The following SH3GL3 variants were observed in gnomAD, a reference collection of about 807,000 sequenced individuals.
SH3GL3 encodes endophilin-A3.
SH3GL3 carries 33 observed loss-of-function variants against 47.7 expected under a neutral mutation model. The ratio of observed to expected loss-of-function variants is 0.69; its 90% CI spans 0.52 to 0.92. The LOEUF (loss-of-function observed/expected upper bound fraction) is 0.92, where lower values mean the gene tolerates loss of function less well. SH3GL3 is among the 40% of genes least tolerant of loss of function. SH3GL3 has a pLI of 0.00. For synonymous variants in SH3GL3, 155 were observed against 148.8 expected (o/e 1.04, Z -0.30); for missense variants, 363 against 417.8 (o/e 0.87, Z 1.14).
At chr15:83,547,746 C>T (rs1020325145) in intron 1 of SH3GL3, among the ~76,000 whole-genome samples, 5 of 147,758 alleles carry the variant, frequency 3.4e-5, no homozygotes, top group African/African-American at 7.4e-5. Flanking sequence ...CTTTAGTGTG[C>T]ATCTCTTATT....
intron 4 of SH3GL3, among the ~76,000 whole-genome samples, chr15:83,570,413 TA>T (rs1345309248): frequency 1.3e-5 from 2 of 152,208 alleles, no homozygotes; most frequent in African/African-American, 4.8e-5. Context: ...AAACATACTT[TA>T]ATATATTATT....
intron 1 of SH3GL3, among the ~76,000 whole-genome samples, chr15:83,529,466 C>T (rs960930854): frequency 1.3e-5 from 2 of 151,904 alleles, no homozygotes; most frequent in Admixed American, 6.6e-5. Context: ...GCTGGGTGGC[C>T]CCTCCTCAGG....
chr15:83,460,526 A>G (rs1051054950), intron 1 of SH3GL3, among the ~76,000 whole-genome samples: 1 of 152,120 alleles, frequency 6.6e-6, no homozygotes, highest in African/African-American at 2.4e-5. Context: ...ATACCGTAGG[A>G]GGTTTTTCTT....
chr15:83,565,276 A>G, intron 3 of SH3GL3, 70 bp downstream of exon 3: 2 of 881,202 alleles, frequency 2.3e-6, no homozygotes, highest in South Asian at 1.4e-5. Context: ...CTTGGTGTTT[A>G]GTTGACATAA....
In SH3GL3 at chr15:83,576,684, A is replaced by G. The variant is rs2151781719; in HGVS notation, c.567A>G (p.Lys189=). 6.2e-7 allele frequency: 1 copy of G among 1,613,894 alleles called. No homozygotes were observed. The highest frequency in any genetic ancestry group is 8.5e-7 in the Non-Finnish European group (1 of 1,179,830). The change falls in exon 6 of 9, where the codon AAA becomes AAG. Residue 189 remains lysine (K), a synonymous_variant. Transcript: ENST00000427482. ...PDEEVRQAVE[K]FEESKELAER... ...AAGAAGTCAGACAAGCGGTAGAAAA[A>G]TTTGAAGAGTCAAAGGAGTTGGCTG...
At chr15:83,567,732 G>T (rs903728694) in intron 3 of SH3GL3, among the ~76,000 whole-genome samples, 1 of 152,064 alleles carries the variant, frequency 6.6e-6, no homozygotes, top group African/African-American at 2.4e-5. Flanking sequence ...GCGCGCATGT[G>T]GTGTGTGTTA....
chr15:83,470,217 G>A (rs1040034664), intron 1 of SH3GL3, among the ~76,000 whole-genome samples: 1 of 151,880 alleles, frequency 6.6e-6, no homozygotes, highest in Non-Finnish European at 1.5e-5. Context: ...TGCTATATTT[G>A]AAGTTTTTTG....
chr15:83,490,795 A>T (rs576172222), intron 1 of SH3GL3: 2 of 1,613,926 alleles, frequency 1.2e-6, no homozygotes, highest in African/African-American at 2.7e-5. Context: ...GAGCAGTGTC[A>T]TAAACATTGA....
At chr15:83,587,956 A>G (rs527680844) in intron 7 of SH3GL3, among the ~76,000 whole-genome samples, 2 of 152,290 alleles carry the variant, frequency 1.3e-5, no homozygotes, top group Admixed American at 1.3e-4. Context: ...CTGCAGGCAG[A>G]TAGTTTACCT....
intron 1 of SH3GL3, among the ~76,000 whole-genome samples, chr15:83,501,533 G>A (rs1351200518): frequency 2.0e-5 from 3 of 152,160 alleles, no homozygotes; most frequent in African/African-American, 4.8e-5. Context: ...ATTCAATTTC[G>A]TGTTTGGGTG....
intron 1 of SH3GL3, among the ~76,000 whole-genome samples, chr15:83,530,577 A>C: frequency 6.7e-6 from 1 of 149,082 alleles, no homozygotes; most frequent in Non-Finnish European, 1.5e-5. Flanking sequence ...ACCTCTAGTC[A>C]GTCATTTTGA....
chr15:83,472,360 G>A (rs1248571731), intron 1 of SH3GL3, among the ~76,000 whole-genome samples: 1 of 151,972 alleles, frequency 6.6e-6, no homozygotes, highest in Non-Finnish European at 1.5e-5. Flanking sequence ...CTTTGTTATG[G>A]TCCCTCATGT....
At chr15:83,527,709 A>G (rs1418869440) in intron 1 of SH3GL3, among the ~76,000 whole-genome samples, 4 of 152,124 alleles carry the variant, frequency 2.6e-5, no homozygotes, top group East Asian at 1.9e-4. Flanking sequence ...GTTTACTTTC[A>G]AGGTTATTAT....
intron 8 of SH3GL3, among the ~76,000 whole-genome samples, chr15:83,594,697 T>C (rs2060194746): frequency 6.6e-6 from 1 of 152,180 alleles, no homozygotes; most frequent in Admixed American, 6.5e-5. Context: ...TTGTAGAATG[T>C]CCCCCAGTTG....
chr15:83,627,573 TCCC>T, the SH3GL3 span, among the ~76,000 whole-genome samples: 2 of 152,172 alleles, frequency 1.3e-5, no homozygotes, highest in African/African-American at 4.8e-5. Context: ...TTCTCAGATC[TCCC>T]TGTTCATTAG....
chr15:83,477,116 G>A (rs928968610), intron 1 of SH3GL3, among the ~76,000 whole-genome samples: 19 of 152,124 alleles, frequency 1.2e-4, no homozygotes, highest in South Asian at 4.2e-4. Flanking sequence ...TAGTACTGGG[G>A]AAGAATGACT....
At chr15:83,548,497 G>T (rs1420664899) in intron 1 of SH3GL3, among the ~76,000 whole-genome samples, 1 of 151,880 alleles carries the variant, frequency 6.6e-6, no homozygotes, top group African/African-American at 2.4e-5. Flanking sequence ...TCCGTTGTGA[G>T]AAATTCTCTC....
chr15:83,588,697 A>G lies in SH3GL3; in HGVS notation c.764A>G (p.Tyr255Cys), dbSNP rs186125782. ...GCATCCAGTGTCCCCAGACGAGAAT[A>G]CAAGCCAAGGCCTGTGAAAAGGAGT... ...SAASSVPRRE[Y>C]KPRPVKRSSS... Residue 255 changes from tyrosine to cysteine, a missense_variant, in exon 8 of 9, where the codon TAC becomes TGC. Transcript: ENST00000427482. The G allele has an allele frequency of 1.5e-5, 24 of 1,612,974 alleles. No individual in the cohort carries two copies. The Admixed American group carries it at 4.0e-4, about 27-fold the overall frequency.
At chr15:83,494,488 A>G (rs1596103363) in intron 1 of SH3GL3, among the ~76,000 whole-genome samples, 3 of 151,536 alleles carry the variant, frequency 2.0e-5, no homozygotes, top group Admixed American at 2.0e-4. Flanking sequence ...GACCAGGGCC[A>G]TATATTTCCT....
Sources: allele counts gnomAD v4.1 joint callset (sites outside exome capture counted in the v4.1 genomes callset), GRCh38; gene constraint gnomAD v4.1.1; transcripts MANE v1.5; gene names NCBI Gene and HGNC (gene_info 2026-07-23, HGNC 2026-07-21).